MYT1L: variants seen among roughly 807,000 people sequenced by gnomAD.
MYT1L encodes the protein myelin transcription factor 1 like, also known as myelin transcription factor 1-like protein.
In MYT1L, 12 loss-of-function variants were observed where a neutral mutation model predicts 126.7. That is an observed-to-expected ratio of 0.09 (90% CI 0.06 to 0.15). MYT1L has a LOEUF of 0.15. Ranked by LOEUF, MYT1L falls within the 10% of genes least tolerant of loss-of-function variation. MYT1L has a pLI of 1.00. For synonymous variants in MYT1L, 541 were observed against 604.2 expected (o/e 0.90, Z 1.53); for missense variants, 979 against 1,585.2 (o/e 0.62, Z 6.49).
intron 22 of MYT1L, among the ~76,000 whole-genome samples, chr2:1,804,384 A>C (rs1553391582): frequency 2.0e-5 from 3 of 152,002 alleles, no homozygotes; most frequent in Non-Finnish European, 4.4e-5. Context: ...AGCCTCCCAA[A>C]CTGCTGGGAT....
rs533048730 is a variant in MYT1L at position 2,223,522 on chromosome 2, T to C, written c.-420-50534A>G. Among the ~76,000 whole-genome samples the C allele has an allele frequency of 1.2e-4, 18 of 152,366 alleles. No individual in the cohort carries two copies. In the East Asian group the frequency reaches 3.5e-3, roughly 29 times the overall value. ...TTTAAAGCTAAAATGTAATTCTTGA[T>C]TGGTTCTGTACTGACGTGGTATTAG... On this transcript the variant is annotated intron_variant, in intron 2 of 24. Transcript: ENST00000647738.
chr2:1,925,792 C>T (rs1025785206), intron 9 of MYT1L, among the ~76,000 whole-genome samples: 1 of 152,176 alleles, frequency 6.6e-6, no homozygotes, highest in East Asian at 1.9e-4. Context: ...CAGCTCGGCG[C>T]CCATCATGAC....
intron 8 of MYT1L, among the ~76,000 whole-genome samples, chr2:1,947,807 T>C (rs1042160532): frequency 2.0e-5 from 3 of 152,160 alleles, no homozygotes; most frequent in African/African-American, 7.2e-5. Context: ...AAAAGAAAAG[T>C]GAGGAGTTCA....
chr2:2,255,945 A>G (rs1482772631), intron 2 of MYT1L, among the ~76,000 whole-genome samples: 1 of 152,216 alleles, frequency 6.6e-6, no homozygotes, highest in Non-Finnish European at 1.5e-5. Flanking sequence ...TCATGGCAAC[A>G]GCCTTGCTTT....
chr2:2,076,736 T>TA (rs1318765745), intron 3 of MYT1L, among the ~76,000 whole-genome samples: 2 of 152,126 alleles, frequency 1.3e-5, no homozygotes, highest in African/African-American at 4.8e-5. Flanking sequence ...CCAGAATTGC[T>TA]ATAACATATT....
rs1239850672 is a variant in MYT1L at position 2,109,876 on chromosome 2, TA to T, written c.-303-55754del. Among the ~76,000 whole-genome samples, 8 of 5,616 alleles carry T rather than the reference TA, an allele frequency of 1.4e-3. 1 individual carries two copies. The highest frequency in any genetic ancestry group is 3.1e-3 in the African/African-American group (5 of 1,604). 3.7% of individuals were successfully genotyped at this position (5,616 alleles called of 152,430 possible). A position where few individuals can be genotyped will look rare whatever the true frequency, so the allele number is the denominator to read the frequency against. On this transcript the variant is annotated intron_variant, in intron 3 of 24. Coordinates refer to ENST00000647738, the MANE Select transcript of MYT1L (RefSeq NM_001303052.2). Reference sequence around the variant, plus strand: ...GGAAGATTCACAAAAGTGCTGATTTTATATATATATATATATATATATATAT... The same window carrying T: ...GGAAGATTCACAAAAGTGCTGATTTTTATATATATATATATATATATATAT...
chr2:1,897,755 G>A (rs1444448581), intron 14 of MYT1L, among the ~76,000 whole-genome samples: 3 of 152,142 alleles, frequency 2.0e-5, no homozygotes, highest in Non-Finnish European at 4.4e-5. Context: ...AAGCCACCAC[G>A]CCGGCCCAGA....
intron 2 of MYT1L, among the ~76,000 whole-genome samples, chr2:2,184,389 G>A (rs1030415969): frequency 6.6e-6 from 1 of 152,124 alleles, no homozygotes. Context: ...ATAAAGGTTG[G>A]GACAGAACGG....
chr2:1,998,032 T>C (rs1052585465), intron 4 of MYT1L, among the ~76,000 whole-genome samples: 6 of 152,186 alleles, frequency 3.9e-5, no homozygotes, highest in South Asian at 4.1e-4. Flanking sequence ...AGATCCAGTA[T>C]AGTTCTTCCC....
rs975327216 is a variant in MYT1L at position 1,811,621 on chromosome 2, C to A, written c.3081-2454G>T. On this transcript the variant is annotated intron_variant, in intron 21 of 24. Transcript: ENST00000647738. The surrounding 1 kb of genome is among the most constrained non-coding windows in gnomAD (Gnocchi z 4.4). ...TGGTTCCCTTTGCTGTTTTTTTGTTCATTTATTTGTTACTAGACATTGGCA... is the reference window on the plus strand; with the variant it reads ...TGGTTCCCTTTGCTGTTTTTTTGTTAATTTATTTGTTACTAGACATTGGCA... 2 of 152,250 alleles carry A rather than the reference C, an allele frequency of 1.3e-5. No individual in the cohort carries two copies. Among genetic ancestry groups the A allele is most frequent in the African/African-American group, 4.8e-5 (2 of 41,414 alleles). The allele number at this position is 152,250 out of a possible 1,614,324, so 9.4% of individuals were successfully genotyped here.
At chr2:2,296,702 C>T (rs141761758) in intron 1 of MYT1L, among the ~76,000 whole-genome samples, 17 of 152,238 alleles carry the variant, frequency 1.1e-4, no homozygotes, top group African/African-American at 2.9e-4. Context: ...ACTTCAAGAA[C>T]GGGTGCCACC....
chr2:1,909,814 C>A (rs1438280524), intron 13 of MYT1L, among the ~76,000 whole-genome samples: 1 of 152,224 alleles, frequency 6.6e-6, no homozygotes, highest in Non-Finnish European at 1.5e-5. Flanking sequence ...CACGTGTGCA[C>A]AGGGTGCTCA....
At chr2:2,177,719 C>T (rs182118170) in intron 2 of MYT1L, among the ~76,000 whole-genome samples, 1 of 152,146 alleles carries the variant, frequency 6.6e-6, no homozygotes, top group Non-Finnish European at 1.5e-5. Context: ...ACCATCAGAT[C>T]TTATGAGAAC....
At chr2:1,862,716 C>T (rs2044853939) in intron 18 of MYT1L, among the ~76,000 whole-genome samples, 1 of 152,140 alleles carries the variant, frequency 6.6e-6, no homozygotes. Context: ...CAAAGAGGGC[C>T]AAAGAGGGCA....
intron 2 of MYT1L, among the ~76,000 whole-genome samples, chr2:2,211,431 T>G (rs13012468): frequency 0.067 from 10,177 of 152,254 alleles, 437 homozygotes; most frequent in South Asian, 0.11. Context: ...ATTCTGTTAG[T>G]ACTCCTTTAG....
At position 2,224,744 on chromosome 2, in the gene MYT1L, G is replaced by A. The variant is rs990837540; in HGVS notation, c.-420-51756C>T. On this transcript the variant is annotated intron_variant, in intron 2 of 24. Transcript: ENST00000647738. This position sits in a 1 kb window ranked among gnomAD's most constrained non-coding sequence, Gnocchi z 4.0. ...TGAGACAGGAGAATGACATGAACCC[G>A]GGAGGCGGAGCTTGCAGGGAGCTGA... Among the ~76,000 whole-genome samples, 5 of 151,952 alleles carry A rather than the reference G, an allele frequency of 3.3e-5. No individual in the cohort carries two copies. Among genetic ancestry groups the A allele is most frequent in the African/African-American group, 9.7e-5 (4 of 41,354 alleles).
At chr2:2,316,899 C>T (rs2096074035) in intron 1 of MYT1L, among the ~76,000 whole-genome samples, 1 of 151,952 alleles carries the variant, frequency 6.6e-6, no homozygotes, top group Non-Finnish European at 1.5e-5. Flanking sequence ...CAATCTCCGC[C>T]TCCAGGGTTC....
intron 3 of MYT1L, among the ~76,000 whole-genome samples, chr2:2,158,216 A>G (rs945660215): frequency 6.6e-6 from 1 of 152,008 alleles, no homozygotes; most frequent in African/African-American, 2.4e-5. Context: ...GACTAACTTT[A>G]TATATGCCCT....
chr2:1,801,586 A>G lies in MYT1L; in HGVS notation c.3276+110T>C. 1.4e-6 allele frequency: 1 copy of G among 698,548 alleles called. No homozygotes were observed. The highest frequency in any genetic ancestry group is 2.5e-6 in the Non-Finnish European group (1 of 399,696). 43.3% of individuals were successfully genotyped at this position (698,548 alleles called of 1,614,324 possible). On this transcript the variant is annotated intron_variant, in intron 23 of 24. Transcript: ENST00000647738. The surrounding 1 kb of genome is among the most constrained non-coding windows in gnomAD (Gnocchi z 4.2). ...AAGGTGGAAAAATAAAGGAAATAAA[A>G]GAGCAAATAAGAGGAAACGACAGCT...
Sources: allele counts gnomAD v4.1 joint callset (sites outside exome capture counted in the v4.1 genomes callset), GRCh38; gene constraint gnomAD v4.1.1; non-coding constraint Gnocchi (gnomAD v3.1); transcripts MANE v1.5; gene names NCBI Gene and HGNC (gene_info 2026-07-23, HGNC 2026-07-21).